CNOT7: variants seen among roughly 807,000 people sequenced by gnomAD.
CNOT7 encodes the protein CCR4-NOT transcription complex subunit 7.
Under a neutral mutation model 37.1 loss-of-function variants are expected in CNOT7, and 4 were observed. The observed-to-expected ratio is 0.11, with a 90% confidence interval of 0.05 to 0.25. The LOEUF is 0.25. Ranked by LOEUF, CNOT7 falls within the 10% of genes least tolerant of loss-of-function variation. The pLI is 1.00. For synonymous variants in CNOT7, 128 were observed against 115.6 expected (o/e 1.11, Z -0.69); for missense variants, 170 against 336.2 (o/e 0.51, Z 3.87).
intron 3 of CNOT7, among the ~76,000 whole-genome samples, chr8:17,238,810 C>T (rs998951591): frequency 1.3e-5 from 2 of 152,176 alleles, no homozygotes; most frequent in African/African-American, 4.8e-5. Context: ...AAAGAAACAT[C>T]AGATTAATAT....
At chr8:17,242,186 T>A (rs532476477) in intron 3 of CNOT7, 1 of 152,204 alleles carries the variant, frequency 6.6e-6, no homozygotes, top group African/African-American at 2.4e-5. Flanking sequence ...ACTCAGGTAG[T>A]GGCCCGGGTC....
At position 17,237,106 on chromosome 8, in the gene CNOT7, A is replaced by G. The variant is rs114663177; in HGVS notation, c.473+106T>C. 9.8e-4 allele frequency: 1,092 copies of G among 1,115,772 alleles called. 8 individuals carry two copies. In the African/African-American group the frequency reaches 0.015, roughly 15 times the overall value. The allele number at this position is 1,115,772 out of a possible 1,614,324, so 69.1% of individuals were successfully genotyped here. On this transcript the variant is annotated intron_variant, in intron 4 of 6. Coordinates refer to ENST00000361272, the MANE Select transcript of CNOT7 (RefSeq NM_013354.7). ...AGGAGACAACTCTATATGGCAGTCA[A>G]CTCTTTCCAGAATTAAACCTGAAAT...
chr8:17,243,765 TATC>T (rs1448226490), intron 2 of CNOT7: 2 of 396,408 alleles, frequency 5.0e-6, no homozygotes, highest in African/African-American at 2.1e-5. Context: ...TGCCACTCTT[TATC>T]ATCTGAGAAA....
At chr8:17,236,544 T>C (rs941174539) in intron 4 of CNOT7, among the ~76,000 whole-genome samples, 4 of 152,164 alleles carry the variant, frequency 2.6e-5, no homozygotes, top group African/African-American at 9.7e-5. Flanking sequence ...GTTTATAAAG[T>C]ATTTTGGTGA....
chr8:17,241,557 A>C (rs183658851), intron 3 of CNOT7: 5 of 152,336 alleles, frequency 3.3e-5, no homozygotes, highest in African/African-American at 7.2e-5. Flanking sequence ...GAATTCATAC[A>C]TTGGCACTAC....
chr8:17,243,687 A>G (rs1810498362), intron 2 of CNOT7: 2 of 455,522 alleles, frequency 4.4e-6, no homozygotes, highest in Non-Finnish European at 8.8e-6. Context: ...TATAGTCCAC[A>G]GAAAGCATGC....
chr8:17,233,215 A>G (rs1302771314), intron 5 of CNOT7, among the ~76,000 whole-genome samples: 1 of 152,192 alleles, frequency 6.6e-6, no homozygotes, highest in African/African-American at 2.4e-5. Flanking sequence ...GGAGGGGAGA[A>G]TAAGTAGAGC....
Position 17,230,819 on chromosome 8 carries a change from G to C in CNOT7, c.759C>G (p.Ala253=), listed in dbSNP as rs771296271. The C allele has an allele frequency of 6.2e-7, 1 of 1,603,798 alleles. No homozygotes were observed. The highest frequency in any genetic ancestry group is 1.3e-5 in the African/African-American group (1 of 74,236). The change falls in exon 7 of 7, where the codon GCC becomes GCG. Residue 253 remains alanine, a synonymous_variant. Transcript: ENST00000361272. The part of the protein sequence containing the change: ...EMFFEDHIDD[A]KYCGHLYGLG... ...GGCCATACAAATGACCACAATATTT[G>C]GCATCATCAATATGATCTTCAAAGA...
intron 1 of CNOT7, 140 bp from the exon 2 acceptor site, chr8:17,245,387 C>G: frequency 2.5e-6 from 1 of 396,320 alleles, no homozygotes; most frequent in East Asian, 4.2e-5. Context: ...TAGAAAGTAA[C>G]TTAAGGTCAC....
chr8:17,236,612 A>G (rs1809397852), intron 4 of CNOT7, among the ~76,000 whole-genome samples: 1 of 152,194 alleles, frequency 6.6e-6, no homozygotes, highest in Non-Finnish European at 1.5e-5. Flanking sequence ...ACTTTAAAAA[A>G]AAATTAAAAT....
chr8:17,245,347 C>A, intron 1 of CNOT7, 100 bp from the exon 2 acceptor site: 4 of 502,860 alleles, frequency 8.0e-6, no homozygotes, highest in South Asian at 5.1e-5. Flanking sequence ...ATTCAAAGTT[C>A]TTGACTCATA....
rs943385450 is a variant in CNOT7, at chr8:17,231,978, A to G, written c.729+449T>C. On this transcript the variant is annotated intron_variant, in intron 6 of 6. Transcript: ENST00000361272. ...CAAAGCACTGAAGAATGACATGAGC[A>G]AATAATATATTTATCACCAGTTTAA... The G allele has an allele frequency of 1.2e-5, 12 of 991,024 alleles. No individual in the cohort carries two copies. In the African/African-American group the frequency reaches 1.9e-4, roughly 16 times the overall value. 61.4% of individuals were successfully genotyped at this position (991,024 alleles called of 1,614,324 possible). A position where few individuals can be genotyped will look rare whatever the true frequency, so the allele number is the denominator to read the frequency against.
chr8:17,237,140 T>A, intron 4 of CNOT7, 72 bp downstream of exon 4: 1 of 1,458,790 alleles, frequency 6.9e-7, no homozygotes, highest in Non-Finnish European at 9.5e-7. Context: ...ATTGCTAACA[T>A]AGTGACCCAA....
chr8:17,245,135 T>C lies in CNOT7; in HGVS notation c.18A>G (p.Val6=). The C allele has an allele frequency of 6.2e-7, 1 of 1,613,258 alleles. No individual in the cohort carries two copies. The change falls in exon 2 of 7, where the codon GTA becomes GTG. Residue 6 remains valine (V), a synonymous_variant. Transcript: ENST00000361272. ...CTTCACAAATTCTTTGGCTATGATCTACAGTTGCCGCTGGCATAGTGAGGG... is the reference window on the plus strand; with the variant it reads ...CTTCACAAATTCTTTGGCTATGATCCACAGTTGCCGCTGGCATAGTGAGGG... The part of the protein sequence containing the change: MPAAT[V]DHSQRICEVW...
At chr8:17,242,414 C>T (rs1333315973) in intron 3 of CNOT7, 1 of 152,116 alleles carries the variant, frequency 6.6e-6, no homozygotes, top group East Asian at 1.9e-4. Context: ...TGGGTGAAGA[C>T]CCAGGGCTTG....
At chr8:17,242,939 A>G (rs777874361) in intron 3 of CNOT7, 53 bp downstream of exon 3, 2 of 1,275,628 alleles carry the variant, frequency 1.6e-6, no homozygotes, top group African/African-American at 3.3e-5. Flanking sequence ...TCAATTCCTA[A>G]GATTAAAGAA....
chr8:17,243,552 CAA>C (rs1490770109), intron 2 of CNOT7: 4 of 467,244 alleles, frequency 8.6e-6, no homozygotes, highest in Admixed American at 2.3e-5. Flanking sequence ...AGAACTGGTT[CAA>C]AAGAGGGGAA....
chr8:17,242,869 T>C, intron 3 of CNOT7, 123 bp downstream of exon 3: 1 of 565,406 alleles, frequency 1.8e-6, no homozygotes, highest in Non-Finnish European at 3.0e-6. Context: ...TGTTACGTTT[T>C]ATATATTTCC....
At chr8:17,232,176 A>C in intron 6 of CNOT7, 1 of 1,244,662 alleles carries the variant, frequency 8.0e-7, no homozygotes, top group Non-Finnish European at 1.0e-6. Context: ...TTGGACCTAC[A>C]TGACTTCTCA....
Sources: gnomAD v4.1 joint callset for allele counts (sites outside exome capture counted in the v4.1 genomes callset) on GRCh38, gnomAD v4.1.1 for gene constraint, MANE v1.5 for transcripts, NCBI Gene and HGNC (gene_info 2026-07-23, HGNC 2026-07-21) for gene names.